The following BRI3 variants were observed in gnomAD, a reference collection of about 807,000 sequenced individuals.
BRI3 encodes membrane protein BRI3.
In BRI3, 6 loss-of-function variants were observed where a neutral mutation model predicts 12.8. The ratio of observed to expected loss-of-function variants is 0.47; its 90% CI spans 0.26 to 0.93. The LOEUF (loss-of-function observed/expected upper bound fraction) is 0.93, where lower values mean the gene tolerates loss of function less well. Ranked by LOEUF, BRI3 falls within the 40% of genes least tolerant of loss-of-function variation. BRI3 has a pLI of 0.15. For synonymous variants in BRI3, 91 were observed against 76.1 expected (o/e 1.20, Z -1.02); for missense variants, 134 against 171.1 (o/e 0.78, Z 1.21).
intron 2 of BRI3, 94 bp from the exon 3 acceptor site, chr7:98,291,017 A>G (rs1268329844): frequency 1.4e-6 from 2 of 1,430,872 alleles, no homozygotes; most frequent in Non-Finnish European, 1.9e-6. Context: ...ACTCATGGCC[A>G]CTGGTTGGTT....
intron 2 of BRI3, among the ~76,000 whole-genome samples, chr7:98,290,113 A>C (rs914218282): frequency 3.3e-5 from 5 of 150,688 alleles, no homozygotes; most frequent in Non-Finnish European, 7.4e-5. Context: ...CTAAGCTGCT[A>C]GTTGCTCCTT....
intron 2 of BRI3, among the ~76,000 whole-genome samples, chr7:98,287,591 C>T (rs10267597): frequency 0.12 from 18,162 of 152,182 alleles, 1,364 homozygotes; most frequent in South Asian, 0.23. Context: ...TCAGGTGGGC[C>T]GGCGCCCTGG....
At chr7:98,308,196 T>C (rs1352036601) in exon 2 of BRI3, 1 of 559,438 alleles carries the variant, frequency 1.8e-6, no homozygotes, top group Non-Finnish European at 3.4e-6. Context: ...TCTGCACTGC[T>C]TTAGCCAGGA....
At chr7:98,313,236 C>T (rs1247913921), downstream of BRI3, among the ~76,000 whole-genome samples, 5 of 151,718 alleles carry the variant, frequency 3.3e-5, no homozygotes, top group African/African-American at 4.8e-5. Context: ...AGGACTGAGG[C>T]GCTTTAGCTG....
the BRI3 span, among the ~76,000 whole-genome samples, chr7:98,316,787 A>C: frequency 6.6e-6 from 1 of 151,952 alleles, no homozygotes; most frequent in Admixed American, 6.6e-5. Context: ...CCCAGTCAAC[A>C]CAATGACCAT....
chr7:98,291,110 G>C lies in BRI3; in HGVS notation c.246-1G>C. 6.2e-7 allele frequency: 1 copy of C among 1,614,152 alleles called. No individual in the cohort carries two copies. Among genetic ancestry groups the C allele is most frequent in the Non-Finnish European group, 8.5e-7 (1 of 1,180,028 alleles). Reference sequence around the variant, plus strand: ...ACCCTCTCTGCCCGTCTCTGCTGCAGGGTTGGGGTGCTGGAGGACTGCTTC... The same window carrying C: ...ACCCTCTCTGCCCGTCTCTGCTGCACGGTTGGGGTGCTGGAGGACTGCTTC... On this transcript the variant is annotated splice_acceptor_variant, in intron 2 of 2. Transcript: ENST00000297290. LOFTEE classifies it high-confidence loss of function.
At chr7:98,292,937 TA>T, downstream of BRI3, 2 of 1,315,426 alleles carry the variant, frequency 1.5e-6, no homozygotes, top group Non-Finnish European at 1.9e-6. Flanking sequence ...CTTAGCACTC[TA>T]CAGCTCTGGC....
chr7:98,306,637 G>A (rs1800668277), exon 1 of BRI3: 2 of 1,418,504 alleles, frequency 1.4e-6, no homozygotes, highest in Admixed American at 2.2e-5. Flanking sequence ...GCCCATGTGT[G>A]GAGGAAATGA....
At chr7:98,309,021 C>T (rs528227845) in exon 2 of BRI3, 4 of 151,260 alleles carry the variant, frequency 2.6e-5, no homozygotes, top group Admixed American at 2.6e-4. Flanking sequence ...AGTAATACAA[C>T]AAGCATCTTT....
exon 2 of BRI3, chr7:98,308,523 C>G: frequency 2.9e-6 from 1 of 346,910 alleles, no homozygotes; most frequent in Non-Finnish European, 5.7e-6. Context: ...GGACAGACCC[C>G]ACAGCTGGCA....
At chr7:98,320,716 GCAT>G in the BRI3 span, among the ~76,000 whole-genome samples, 1 of 152,194 alleles carries the variant, frequency 6.6e-6, no homozygotes, top group Non-Finnish European at 1.5e-5. Flanking sequence ...GGGTCTCTAA[GCAT>G]CATCCCTGAG....
At chr7:98,300,035 C>T (rs1442023933) in intron 1 of BRI3, among the ~76,000 whole-genome samples, 7 of 152,228 alleles carry the variant, frequency 4.6e-5, no homozygotes, top group East Asian at 1.9e-4. Flanking sequence ...AGCAAGACTC[C>T]GTCTCATAAA....
At chr7:98,282,502 C>A in intron 2 of BRI3, 49 bp downstream of exon 2, 2 of 1,472,414 alleles carry the variant, frequency 1.4e-6, no homozygotes, top group Non-Finnish European at 1.9e-6. Flanking sequence ...TCTGAGGACC[C>A]CCGCCCTAAC....
At position 98,288,499 on chromosome 7, in the gene BRI3, G is replaced by GTGTCTACTT. The variant is rs112911840; in HGVS notation, c.246-2612_246-2611insTGTCTACTT. On this transcript the variant is annotated intron_variant, in intron 2 of 2. Transcript: ENST00000297290. Reference sequence around the variant, plus strand: ...TTAAATAGGGGACACATTTGTAAAAGCCCACACAGGAAGTAGAAACTTTCC... The same window carrying GTGTCTACTT: ...TTAAATAGGGGACACATTTGTAAAAGTGTCTACTTCCCACACAGGAAGTAGAAACTTTCC... Among the ~76,000 whole-genome samples the GTGTCTACTT allele has an allele frequency of 1.6e-4, 25 of 151,884 alleles. 1 individual carries two copies. Among genetic ancestry groups the GTGTCTACTT allele is most frequent in the African/African-American group, 6.0e-4 (25 of 41,424 alleles).
rs1046980762 is a variant in BRI3 at position 98,291,372 on chromosome 7, G to A, written c.*129G>A. ...GCGAGGTGGGACCGATGTGGCACAC[G>A]CCAGCTGCGGTTTCCCGGAGCGTGG... On this transcript the variant is annotated 3_prime_UTR_variant, in exon 3 of 3. Transcript: ENST00000297290. 5.1e-5 allele frequency: 76 copies of A among 1,490,974 alleles called. No individual in the cohort carries two copies. The African/African-American group carries it at 6.3e-4, about 12-fold the overall frequency. The allele number at this position is 1,490,974 out of a possible 1,614,324, so 92.4% of individuals were successfully genotyped here.
intron 2 of BRI3, among the ~76,000 whole-genome samples, chr7:98,287,991 G>C (rs557001619): frequency 6.6e-6 from 1 of 152,334 alleles, no homozygotes; most frequent in Admixed American, 6.5e-5. Context: ...GAGGTGCTCA[G>C]ATGGTCACTG....
chr7:98,293,610 GAA>G, downstream of BRI3: 1 of 1,610,278 alleles, frequency 6.2e-7, no homozygotes, highest in Non-Finnish European at 8.5e-7. Flanking sequence ...CAGGGGATAA[GAA>G]AAATCTTTCA....
downstream of BRI3, chr7:98,291,640 C>A (rs557095284): frequency 1.3e-5 from 6 of 472,508 alleles, no homozygotes; most frequent in South Asian, 2.2e-4. Context: ...GCGCTTACAG[C>A]TCAAGAAAAT....
At chr7:98,303,906 GAT>G (rs375298238), upstream of BRI3, among the ~76,000 whole-genome samples, 14 of 152,316 alleles carry the variant, frequency 9.2e-5, no homozygotes, top group African/African-American at 3.1e-4. Context: ...AGGCAGGAAA[GAT>G]AAGAAACCTA....
Sources: allele counts gnomAD v4.1 joint callset (sites outside exome capture counted in the v4.1 genomes callset), GRCh38; gene constraint gnomAD v4.1.1; transcripts MANE v1.5; gene names NCBI Gene and HGNC (gene_info 2026-07-23, HGNC 2026-07-21).